Variants in HMCN2 observed in about 807,000 individuals in gnomAD.
The protein encoded by HMCN2 is hemicentin 2, also known as hemicentin-2.
Under a neutral mutation model 377.5 loss-of-function variants are expected in HMCN2, and 325 were observed. That is an observed-to-expected ratio of 0.86 (90% CI 0.79 to 0.94). The LOEUF (loss-of-function observed/expected upper bound fraction) is 0.94. Among genes scored for constraint, HMCN2 ranks in the 40% least tolerant of loss-of-function variants. HMCN2 has a pLI of 0.00. For missense variants in HMCN2, 4,543 were observed against 4,725.3 expected (o/e 0.96, Z 1.13); for synonymous variants, 2,007 against 2,046.8 (o/e 0.98, Z 0.53).
intron 77 of HMCN2, 139 bp downstream of exon 77, chr9:130,401,086 G>A: frequency 4.2e-6 from 3 of 712,472 alleles, no homozygotes; most frequent in Non-Finnish European, 5.9e-6. Context: ...GACCTGGGAG[G>A]ACCCTCTCGC....
intron 4 of HMCN2, among the ~76,000 whole-genome samples, chr9:130,292,492 A>G (rs1554930387): frequency 6.6e-6 from 1 of 152,168 alleles, no homozygotes; most frequent in Non-Finnish European, 1.5e-5. Context: ...GGTTTCTCTG[A>G]AGTACAATTT....
chr9:130,318,901 C>T (rs1031637176), intron 15 of HMCN2, among the ~76,000 whole-genome samples: 98,674 of 152,148 alleles, frequency 0.65, 34,110 homozygotes, highest in Non-Finnish European at 0.79. Context: ...TAATCCCCCC[C>T]GACGCTGGCT....
rs150577807 is a variant in HMCN2 at position 130,383,415 on chromosome 9, A to G, written c.8734-89A>G. On this transcript the variant is annotated intron_variant, in intron 56 of 97. Coordinates refer to ENST00000683500, the MANE Select transcript of HMCN2 (RefSeq NM_001291815.2). Reference sequence around the variant, plus strand: ...CTGGTGCCTGCTTCCCTGGCATGGGATGGGAGGGATTCCTCGCAGTCATTC... The same window carrying G: ...CTGGTGCCTGCTTCCCTGGCATGGGGTGGGAGGGATTCCTCGCAGTCATTC... 198 of 503,524 alleles carry G rather than the reference A, an allele frequency of 3.9e-4. 6 individuals are homozygous for G. In the East Asian group the frequency reaches 0.021, roughly 53 times the overall value. The allele number at this position is 503,524 out of a possible 1,614,324, so 31.2% of individuals were successfully genotyped here.
Position 130,369,658 on chromosome 9 carries a change from A to G in HMCN2, c.6876A>G (p.Thr2292=), listed in dbSNP as rs61738652. Reference sequence around the variant, plus strand: ...TGGCCACTCTGGAGTGCAACGCCACAGGGAAACCCCCTCCGACAGTGACAT... The same window carrying G: ...TGGCCACTCTGGAGTGCAACGCCACGGGGAAACCCCCTCCGACAGTGACAT... ...DGVATLECNA[T]GKPPPTVTWE... The change falls in exon 45 of 98, where the codon ACA becomes ACG. Residue 2292 remains threonine (T), a synonymous_variant. Coordinates refer to ENST00000683500, the MANE Select transcript of HMCN2 (RefSeq NM_001291815.2). The surrounding 1 kb of genome is among the most constrained non-coding windows in gnomAD (Gnocchi z 4.5). 755 of 985,940 alleles carry G rather than the reference A, an allele frequency of 7.7e-4. 4 individuals carry two copies. In the African/African-American group the frequency reaches 0.012, roughly 16 times the overall value. The allele number at this position is 985,940 out of a possible 1,614,324, so 61.1% of individuals were successfully genotyped here. A position where few individuals can be genotyped will look rare whatever the true frequency, so the allele number is the denominator to read the frequency against.
rs565797247 is a variant in HMCN2, at chr9:130,424,340, G to A, written c.13382-436G>A. Among the ~76,000 whole-genome samples the A allele has an allele frequency of 7.8e-4, 84 of 107,932 alleles. No homozygotes were observed. The East Asian group carries it at 0.023, about 30-fold the overall frequency. 70.8% of individuals were successfully genotyped at this position (107,932 alleles called of 152,430 possible). On this transcript the variant is annotated intron_variant, in intron 87 of 97. Coordinates refer to ENST00000683500, the MANE Select transcript of HMCN2 (RefSeq NM_001291815.2). ...ACTACAGACGCCTGCCACGGCGCCCGGCTAATTTTTTTTTTTTTTGTATTT... is the reference window on the plus strand; with the variant it reads ...ACTACAGACGCCTGCCACGGCGCCCAGCTAATTTTTTTTTTTTTTGTATTT...
intron 36 of HMCN2, among the ~76,000 whole-genome samples, 168 bp from the exon 37 acceptor site, chr9:130,359,151 G>A (rs1009903506): frequency 6.6e-6 from 1 of 152,154 alleles, no homozygotes; most frequent in Non-Finnish European, 1.5e-5. Flanking sequence ...TTGTTCTTGG[G>A]CTTGCTTCCA....
chr9:130,380,489 TGCA>T (rs999450322), intron 54 of HMCN2, among the ~76,000 whole-genome samples: 2 of 152,064 alleles, frequency 1.3e-5, no homozygotes, highest in Admixed American at 1.3e-4. Flanking sequence ...CTTTGGTGCT[TGCA>T]AGAAAAGGAG....
chr9:130,376,241 A>G (rs1168344811), intron 51 of HMCN2, among the ~76,000 whole-genome samples: 6 of 152,170 alleles, frequency 3.9e-5, no homozygotes, highest in African/African-American at 1.4e-4. Flanking sequence ...GCTTTGGAGT[A>G]TAAACAGAGG....
In HMCN2 at chr9:130,384,671, G is replaced by C. The variant is rs1645848112; in HGVS notation, c.8993-14G>C. ...GCTGGAATGCTGGTGTGAGGGGCTG[G>C]CTTCCCCCGGCAGGCACCCACACGC... On this transcript the variant is annotated splice_polypyrimidine_tract_variant and intron_variant, in intron 58 of 97. Coordinates refer to ENST00000683500, the MANE Select transcript of HMCN2 (RefSeq NM_001291815.2). 1 of 1,301,890 alleles carries C rather than the reference G, an allele frequency of 7.7e-7. No homozygotes were observed. The highest frequency in any genetic ancestry group is 1.2e-5 in the South Asian group (1 of 81,004). The allele number at this position is 1,301,890 out of a possible 1,614,324, so 80.6% of individuals were successfully genotyped here.
chr9:130,414,546 A>G lies in HMCN2; in HGVS notation c.12961+3894A>G, dbSNP rs1340516820. On this transcript the variant is annotated intron_variant, in intron 85 of 97. Coordinates refer to ENST00000683500, the MANE Select transcript of HMCN2 (RefSeq NM_001291815.2). The surrounding 1 kb of genome is among the most constrained non-coding windows in gnomAD (Gnocchi z 4.4). ...CAACTTACACACCAGGAACAAGGAA[A>G]ATCTCAATGAAAGCAGACAACAGAT... Among the ~76,000 whole-genome samples the G allele has an allele frequency of 6.6e-6, 1 of 152,158 alleles. No individual in the cohort carries two copies. Among genetic ancestry groups the G allele is most frequent in the African/African-American group, 2.4e-5 (1 of 41,430 alleles).
chr9:130,424,707 G>A, intron 87 of HMCN2, 69 bp from the exon 88 acceptor site: 1 of 1,431,350 alleles, frequency 7.0e-7, no homozygotes, highest in South Asian at 1.5e-5. Flanking sequence ...GCCATGACGG[G>A]ACCTTGAACA....
chr9:130,343,818 T>C (rs1303847068), intron 25 of HMCN2, among the ~76,000 whole-genome samples: 5 of 152,226 alleles, frequency 3.3e-5, no homozygotes, highest in Admixed American at 6.5e-5. Flanking sequence ...TTCACAGCCC[T>C]GTGGCCTTGG....
Position 130,269,750 on chromosome 9 carries a change from A to C in HMCN2, c.259+3613A>C, listed in dbSNP as rs530495829. Among the ~76,000 whole-genome samples the C allele has an allele frequency of 1.0e-4, 15 of 143,156 alleles. 2 individuals carry two copies. In the South Asian group the frequency reaches 1.4e-3, roughly 13 times the overall value. The allele number at this position is 143,156 out of a possible 152,430, so 93.9% of individuals were successfully genotyped here. On this transcript the variant is annotated intron_variant, in intron 1 of 97. Coordinates refer to ENST00000683500, the MANE Select transcript of HMCN2 (RefSeq NM_001291815.2). The stretch of plus-strand genomic sequence containing the variant: ...TTTTCATGGGAGTTTTAGTGCTTTT[A>C]TTTTTAGTTGGAATGAGGACCTTAT...
intron 1 of HMCN2, among the ~76,000 whole-genome samples, chr9:130,266,957 T>C (rs1554919263): frequency 6.6e-6 from 1 of 151,962 alleles, no homozygotes; most frequent in East Asian, 1.9e-4. Context: ...CACTTCTTTT[T>C]TTTTTTGAGA....
At chr9:130,363,456 TACTGTAACC>T (rs1025471101) in intron 40 of HMCN2, among the ~76,000 whole-genome samples, 6 of 152,194 alleles carry the variant, frequency 3.9e-5, no homozygotes, top group African/African-American at 1.4e-4. Flanking sequence ...CTCATGAAGC[TACTGTAACC>T]ACAGTAGCTT....
At position 130,304,489 on chromosome 9, in the gene HMCN2, C is replaced by G. The variant is rs746828658; in HGVS notation, c.1544-241C>G. On this transcript the variant is annotated intron_variant, in intron 10 of 97. Coordinates refer to ENST00000683500, the MANE Select transcript of HMCN2 (RefSeq NM_001291815.2). The surrounding 1 kb of genome is among the most constrained non-coding windows in gnomAD (Gnocchi z 4.3). ...CACTGGCTGTATTTTGGAGAGCAGG[C>G]GTGTACCGTGCAGCCCCTGGCAGGT... is the stretch of plus-strand genomic sequence containing the variant. 6.6e-6 allele frequency among the ~76,000 whole-genome samples: 1 copy of G among 152,150 alleles called. No homozygotes were observed. The highest frequency in any genetic ancestry group is 1.5e-5 in the Non-Finnish European group (1 of 68,024).
Position 130,433,537 on chromosome 9 carries a change from C to T in HMCN2, c.15084C>T (p.Pro5028=). Residue 5028 remains proline, a synonymous_variant, in exon 98 of 98, where the codon CCC becomes CCT. Transcript: ENST00000683500. ...LSMLEPDPRS[P]FALRPLRAGL... ...TGCTGGAGCCCGACCCCCGCAGCCCCTTCGCGCTGCGTCCGCTGCGCGCGG... is the reference window on the plus strand; with the variant it reads ...TGCTGGAGCCCGACCCCCGCAGCCCTTTCGCGCTGCGTCCGCTGCGCGCGG... The T allele has an allele frequency of 4.8e-6, 7 of 1,473,172 alleles. No homozygotes were observed. The highest frequency in any genetic ancestry group is 6.3e-6 in the Non-Finnish European group (7 of 1,119,144). The allele number at this position is 1,473,172 out of a possible 1,614,324, so 91.3% of individuals were successfully genotyped here.
chr9:130,394,955 T>G lies in HMCN2; in HGVS notation c.10693-72T>G. On this transcript the variant is annotated intron_variant, in intron 69 of 97. Coordinates refer to ENST00000683500, the MANE Select transcript of HMCN2 (RefSeq NM_001291815.2). The surrounding 1 kb of genome is among the most constrained non-coding windows in gnomAD (Gnocchi z 5.1). ...TTTGAATCCTGGGTCCCTCGATGCA[T>G]GAGAAAGAAACCAGATTGGGAGGCG... is the stretch of plus-strand genomic sequence containing the variant. 5.8e-6 allele frequency: 6 copies of G among 1,032,618 alleles called. No homozygotes were observed. The highest frequency in any genetic ancestry group is 6.4e-6 in the Non-Finnish European group (5 of 775,918). The allele number at this position is 1,032,618 out of a possible 1,614,324, so 64.0% of individuals were successfully genotyped here.
rs773439027 is a variant in HMCN2 at position 130,359,751 on chromosome 9, C to T, written c.5773+337C>T. ...CTAGACCAGAAGTGGAGGAAAGGGC[C>T]GGGAGCTGGGGGCTGGGTGTGGGTG... is the stretch of plus-strand genomic sequence containing the variant. On this transcript the variant is annotated intron_variant, in intron 37 of 97. Transcript: ENST00000683500. Among the ~76,000 whole-genome samples, 6 of 152,202 alleles carry T rather than the reference C, an allele frequency of 3.9e-5. No individual in the cohort carries two copies. The South Asian group carries it at 6.2e-4, about 16-fold the overall frequency.
Sources: gnomAD v4.1 joint callset for allele counts (sites outside exome capture counted in the v4.1 genomes callset) on GRCh38, gnomAD v4.1.1 for gene constraint, Gnocchi (gnomAD v3.1) non-coding constraint, MANE v1.5 for transcripts, NCBI Gene and HGNC (gene_info 2026-07-23, HGNC 2026-07-21) for gene names.